Variants in KCNN1 observed in about 807,000 individuals in gnomAD.
KCNN1 encodes the protein small conductance calcium-activated potassium channel protein 1.
In KCNN1, 20 loss-of-function variants were observed where a neutral mutation model predicts 44.7. The ratio of observed to expected loss-of-function variants is 0.45; its 90% CI spans 0.32 to 0.65. KCNN1 has a LOEUF of 0.65. Among genes scored for constraint, KCNN1 ranks in the 30% least tolerant of loss-of-function variants. KCNN1 has a pLI of 0.05. For synonymous variants in KCNN1, 324 were observed against 341.7 expected (o/e 0.95, Z 0.57); for missense variants, 632 against 785.3 (o/e 0.80, Z 2.33).
chr19:17,961,577 TC>T (rs2031678829), intron 2 of KCNN1, among the ~76,000 whole-genome samples: 7 of 79,178 alleles, frequency 8.8e-5, no homozygotes, highest in Non-Finnish European at 1.6e-4. Context: ...TTTCTTTCTT[TC>T]TTTCTTTCTT....
intron 5 of KCNN1, among the ~76,000 whole-genome samples, chr19:17,986,087 C>T (rs149876197): frequency 1.3e-5 from 2 of 152,058 alleles, no homozygotes; most frequent in Non-Finnish European, 1.5e-5. Flanking sequence ...CAAAAATAGC[C>T]GGGAGTGGTG....
intron 1 of KCNN1, chr19:17,952,163 G>T (rs2031427000): frequency 6.6e-6 from 1 of 152,084 alleles, no homozygotes; most frequent in Non-Finnish European, 1.5e-5. Context: ...CTCGGCCTGC[G>T]GGGTCCGCGC....
At chr19:17,988,578 A>G (rs1250925909) in intron 6 of KCNN1, 53 bp downstream of exon 6, 3 of 1,315,518 alleles carry the variant, frequency 2.3e-6, no homozygotes, top group East Asian at 4.7e-5. Context: ...CAGCGAGCGT[A>G]GAACTTCCCT....
intron 2 of KCNN1, among the ~76,000 whole-genome samples, chr19:17,955,367 C>G (rs2031516667): frequency 6.6e-6 from 1 of 151,432 alleles, no homozygotes; most frequent in Non-Finnish European, 1.5e-5. Flanking sequence ...TCGAGACCAG[C>G]CTGGCCAACA....
At chr19:17,986,487 G>A (rs1367217018) in intron 5 of KCNN1, among the ~76,000 whole-genome samples, 1 of 152,020 alleles carries the variant, frequency 6.6e-6, no homozygotes, top group Non-Finnish European at 1.5e-5. Context: ...GCAGCACCCC[G>A]TCTCCCCGAA....
chr19:17,998,136 T>C lies in KCNN1; in HGVS notation c.1378-16T>C, dbSNP rs766750255. On this transcript the variant is annotated splice_polypyrimidine_tract_variant and intron_variant, in intron 9 of 9. Coordinates refer to ENST00000684775, the MANE Select transcript of KCNN1 (RefSeq NM_001386974.1). This position sits in a 1 kb window ranked among gnomAD's most constrained non-coding sequence, Gnocchi z 5.4. ...CTCAGCGGCGCCTCTCTCCTGCCCC[T>C]CTCTGTCTCCCGCAGACCCAGACCG... The C allele has an allele frequency of 2.9e-5, 45 of 1,570,344 alleles. No homozygotes were observed. Among genetic ancestry groups the C allele is most frequent in the Non-Finnish European group, 3.5e-5 (41 of 1,158,362 alleles).
At chr19:17,973,741 A>G in intron 1 of KCNN1, 67 bp from the exon 2 acceptor site, 1 of 1,429,414 alleles carries the variant, frequency 7.0e-7, no homozygotes, top group South Asian at 1.5e-5. Context: ...GTTGGCCGGG[A>G]TGGTCCTTGC....
In KCNN1 at chr19:17,998,023, G is replaced by C. The variant is rs553170211; in HGVS notation, c.1378-129G>C. On this transcript the variant is annotated intron_variant, in intron 9 of 9. Coordinates refer to ENST00000684775, the MANE Select transcript of KCNN1 (RefSeq NM_001386974.1). The surrounding 1 kb of genome is among the most constrained non-coding windows in gnomAD (Gnocchi z 5.4). ...GTATCCTCCCAGCCACCCCTCACAC[G>C]GGCCCCATTAGTGGCTGGCACCCAC... 3 of 1,023,164 alleles carry C rather than the reference G, an allele frequency of 2.9e-6. No individual in the cohort carries two copies. The highest frequency in any genetic ancestry group is 3.3e-5 in the African/African-American group (2 of 60,004). 63.4% of individuals were successfully genotyped at this position (1,023,164 alleles called of 1,614,324 possible). A position where few individuals can be genotyped will look rare whatever the true frequency, so the allele number is the denominator to read the frequency against.
chr19:17,999,771 C>A lies in KCNN1; in HGVS notation c.*1365C>A, dbSNP rs1599388605. On this transcript the variant is annotated 3_prime_UTR_variant, in exon 10 of 10. Transcript: ENST00000684775. ...GACGACGCTGTGCATAGCCGAGGAG[C>A]CCCAGGTCCTGGCAGCCTCTGATAA... The A allele has an allele frequency of 5.8e-6, 2 of 342,918 alleles. No individual in the cohort carries two copies. The highest frequency in any genetic ancestry group is 1.5e-4 in the East Asian group (2 of 13,266). 21.2% of individuals were successfully genotyped at this position (342,918 alleles called of 1,614,324 possible).
chr19:17,982,403 C>T (rs1251266047), intron 4 of KCNN1, among the ~76,000 whole-genome samples: 1 of 152,098 alleles, frequency 6.6e-6, no homozygotes, highest in Admixed American at 6.5e-5. Flanking sequence ...GTCTCCCAAG[C>T]TTCCTTCTCC....
intron 2 of KCNN1, among the ~76,000 whole-genome samples, chr19:17,955,195 C>T (rs139857498): frequency 8.7e-5 from 13 of 149,080 alleles, no homozygotes; most frequent in Non-Finnish European, 1.9e-4. Flanking sequence ...GCTATGATCA[C>T]GCTTGTGAAT....
At chr19:17,956,105 T>G (rs1281932243) in intron 2 of KCNN1, among the ~76,000 whole-genome samples, 2 of 152,018 alleles carry the variant, frequency 1.3e-5, no homozygotes, top group Non-Finnish European at 2.9e-5. Flanking sequence ...GCACAGCTAA[T>G]TTTTGTGTTT....
intron 7 of KCNN1, chr19:17,990,054 G>C: frequency 2.8e-6 from 2 of 707,726 alleles, no homozygotes; most frequent in South Asian, 3.0e-5. Flanking sequence ...TCAGTAAGTG[G>C]CAGGATGTAT....
At chr19:17,952,389 C>T (rs1225134950) in intron 1 of KCNN1, 1 of 152,360 alleles carries the variant, frequency 6.6e-6, no homozygotes, top group African/African-American at 2.4e-5. Context: ...CGGCGGCGGT[C>T]CCCTTCTCTT....
At chr19:17,968,219 T>G (rs1397485347) in intron 1 of KCNN1, among the ~76,000 whole-genome samples, 3 of 152,036 alleles carry the variant, frequency 2.0e-5, no homozygotes, top group Non-Finnish European at 2.9e-5. Context: ...TGCTGTGTGC[T>G]GATCTGGTTG....
At chr19:17,986,534 C>T (rs1459173793) in intron 5 of KCNN1, among the ~76,000 whole-genome samples, 1 of 152,172 alleles carries the variant, frequency 6.6e-6, no homozygotes, top group East Asian at 1.9e-4. Context: ...TGTGAACATC[C>T]TTTCACACTC....
Position 17,993,386 on chromosome 19 carries a change from A to G in KCNN1, c.1308-104A>G. 1.2e-6 allele frequency: 1 copy of G among 815,290 alleles called. No homozygotes were observed. Among genetic ancestry groups the G allele is most frequent in the South Asian group, 1.5e-5 (1 of 66,512 alleles). 50.5% of individuals were successfully genotyped at this position (815,290 alleles called of 1,614,324 possible). ...CAACTCCCACCTCATCCTCTGATGC[A>G]TGTCCCATAGGTGACCCCGGGTGGG... On this transcript the variant is annotated intron_variant, in intron 8 of 9. Transcript: ENST00000684775. This position sits in a 1 kb window ranked among gnomAD's most constrained non-coding sequence, Gnocchi z 4.5.
chr19:17,961,896 C>A (rs953175586), intron 2 of KCNN1, among the ~76,000 whole-genome samples: 18 of 151,664 alleles, frequency 1.2e-4, no homozygotes, highest in Middle Eastern at 3.4e-3. Flanking sequence ...GCCAAAAAAA[C>A]CCCTATTTTC....
chr19:17,953,075 C>G (rs2031456258), intron 1 of KCNN1, among the ~76,000 whole-genome samples: 1 of 152,156 alleles, frequency 6.6e-6, no homozygotes, highest in African/African-American at 2.4e-5. Context: ...CTCCAAGTTT[C>G]TCCTCTGGCT....
Sources: allele counts gnomAD v4.1 joint callset (sites outside exome capture counted in the v4.1 genomes callset), GRCh38; gene constraint gnomAD v4.1.1; non-coding constraint Gnocchi (gnomAD v3.1); transcripts MANE v1.5; gene names NCBI Gene and HGNC (gene_info 2026-07-23, HGNC 2026-07-21).